Variants in RHBDL2 observed in about 807,000 individuals in gnomAD.
The protein encoded by RHBDL2 is rhomboid like 2.
A neutral mutation model predicts 31.7 loss-of-function variants in RHBDL2; 26 were observed. The ratio of observed to expected loss-of-function variants is 0.82; its 90% CI spans 0.60 to 1.14. The LOEUF (loss-of-function observed/expected upper bound fraction) is 1.14. Ranked by LOEUF, RHBDL2 falls within the 50% of genes most tolerant of loss-of-function variation. RHBDL2 has a pLI of 0.00. For missense variants in RHBDL2, 336 were observed against 364.4 expected, an observed-to-expected ratio of 0.92 and a Z score of 0.63; for synonymous variants, 123 against 127.2, an observed-to-expected ratio of 0.97 and a Z score of 0.22.
rs904733878 is a variant in RHBDL2 at position 38,911,325 on chromosome 1, C to T, written c.505G>A (p.Ala169Thr). The T allele has an allele frequency of 1.2e-6, 2 of 1,603,516 alleles. No homozygotes were observed. The highest frequency in any genetic ancestry group is 1.7e-6 in the Non-Finnish European group (2 of 1,170,434). Residue 169 changes from alanine (A) to threonine (T), a missense_variant, in exon 4 of 8, where the codon GCA becomes ACA. Ala to Thr is a moderately conservative substitution (Grantham distance 58). Coordinates refer to ENST00000372990, the MANE Select transcript of RHBDL2 (RefSeq NM_017821.5). ...TGTGTTACCTCAGAACACTGACCTGCAATCACTCCTGCCAGGTACACCAGC... is the reference window on the plus strand; with the variant it reads ...TGTGTTACCTCAGAACACTGACCTGTAATCACTCCTGCCAGGTACACCAGC... ...VGLVYLAGVI[A>T]GSLASSIFDP...
rs748695162 is a variant in RHBDL2 at position 38,896,044 on chromosome 1, G to T, written c.534C>A (p.Asp178Glu). 6.2e-7 allele frequency: 1 copy of T among 1,613,664 alleles called. No individual in the cohort carries two copies. Among genetic ancestry groups the T allele is most frequent in the South Asian group, 1.1e-5 (1 of 91,058 alleles). ...AAGCTCCCACAAGATATCTGAGTGG[G>T]TCAAAGATGGAGCTGGCAAGGGACC... ...IAGSLASSIF[D>E]PLRYLVGASG... The change falls in exon 5 of 8, where the codon GAC becomes GAA. Residue 178 changes from aspartate (D) to glutamate (E), a missense_variant. Physicochemically the swap from Asp to Glu is conservative, Grantham distance 45 (BLOSUM62 2). Transcript: ENST00000372990.
At chr1:38,936,557 T>C (rs186812829) in intron 1 of RHBDL2, among the ~76,000 whole-genome samples, 1 of 150,494 alleles carries the variant, frequency 6.6e-6, no homozygotes, top group Non-Finnish European at 1.5e-5. Context: ...TGGAGTGCAA[T>C]GGCGCGATCT....
At chr1:38,914,282 C>T (rs1182539469) in intron 3 of RHBDL2, among the ~76,000 whole-genome samples, 1 of 151,996 alleles carries the variant, frequency 6.6e-6, no homozygotes, top group Non-Finnish European at 1.5e-5. Flanking sequence ...CACTCTGTCA[C>T]CTACTCTAGA....
At chr1:38,933,207 A>T (rs1400939987) in intron 1 of RHBDL2, among the ~76,000 whole-genome samples, 1 of 152,038 alleles carries the variant, frequency 6.6e-6, no homozygotes, top group Non-Finnish European at 1.5e-5. Flanking sequence ...CCTGGAATAC[A>T]CCAAATCTTC....
intron 1 of RHBDL2, among the ~76,000 whole-genome samples, chr1:38,939,267 G>A (rs1643538978): frequency 6.6e-6 from 1 of 152,162 alleles, no homozygotes; most frequent in Non-Finnish European, 1.5e-5. Flanking sequence ...TTGAGAGACA[G>A]TCTTGCTCTG....
chr1:38,900,207 G>A (rs1642972124), intron 4 of RHBDL2, among the ~76,000 whole-genome samples: 1 of 152,170 alleles, frequency 6.6e-6, no homozygotes, highest in South Asian at 2.1e-4. Context: ...ATCACTTGAG[G>A]TCAGGAGTTC....
In RHBDL2 at chr1:38,902,431, T is replaced by A. The variant is rs866189804; in HGVS notation, c.509-6362A>T. On this transcript the variant is annotated intron_variant, in intron 4 of 7. Transcript: ENST00000372990. ...TTTTTTATTTTTTTTATTATTTTTT[T>A]TTTTTTGAGATGGAGTCTCGCTTTG... Among the ~76,000 whole-genome samples the A allele has an allele frequency of 1.1e-3, 168 of 150,036 alleles. 1 individual carries two copies. The highest frequency in any genetic ancestry group is 4.1e-3 in the African/African-American group (167 of 41,202).
chr1:38,911,513 T>C lies in RHBDL2; in HGVS notation c.396-79A>G, dbSNP rs34862491. 2,969 of 929,894 alleles carry C rather than the reference T, an allele frequency of 3.2e-3. 93 individuals carry two copies. In the Admixed American group the frequency reaches 0.051, roughly 16 times the overall value. 57.6% of individuals were successfully genotyped at this position (929,894 alleles called of 1,614,324 possible). On this transcript the variant is annotated intron_variant, in intron 3 of 7. Coordinates refer to ENST00000372990, the MANE Select transcript of RHBDL2 (RefSeq NM_017821.5). ...TCCCTGGGAGATGAACAGACTTTCA[T>C]GTGTTTTCTCTAGTTAAGGATTTGC...
At chr1:38,930,183 GGGCC>G (rs1643425109) in intron 1 of RHBDL2, among the ~76,000 whole-genome samples, 1 of 152,140 alleles carries the variant, frequency 6.6e-6, no homozygotes, top group African/African-American at 2.4e-5. Flanking sequence ...GTCACATGCA[GGGCC>G]TCTCGGCGGA....
At chr1:38,926,859 G>A (rs1040983390) in intron 1 of RHBDL2, 1 of 152,276 alleles carries the variant, frequency 6.6e-6, no homozygotes, top group African/African-American at 2.4e-5. Context: ...ATCAATAAAA[G>A]AATGCTTGTG....
intron 1 of RHBDL2, among the ~76,000 whole-genome samples, chr1:38,923,395 C>T (rs1446635608): frequency 6.6e-6 from 1 of 152,186 alleles, no homozygotes; most frequent in Non-Finnish European, 1.5e-5. Flanking sequence ...TCTAACAGTT[C>T]TAATTCATGG....
rs776145220 is a variant in RHBDL2, at chr1:38,912,948, G to GTGTGTA, written c.396-1515_396-1514insTACACA. ...TGTGTGTGTGTGTGTGTGTGTGTGT[G>GTGTGTA]TATTTACATATACACGTGTGTGTGT... is the stretch of plus-strand genomic sequence containing the variant. On this transcript the variant is annotated intron_variant, in intron 3 of 7. Coordinates refer to ENST00000372990, the MANE Select transcript of RHBDL2 (RefSeq NM_017821.5). Among the ~76,000 whole-genome samples, 616 of 106,400 alleles carry GTGTGTA rather than the reference G, an allele frequency of 5.8e-3. 16 individuals are homozygous for GTGTGTA. Among genetic ancestry groups the GTGTGTA allele is most frequent in the African/African-American group, 0.016 (373 of 23,948 alleles). The allele number at this position is 106,400 out of a possible 152,430, so 69.8% of individuals were successfully genotyped here. A position where few individuals can be genotyped will look rare whatever the true frequency, so the allele number is the denominator to read the frequency against.
chr1:38,928,430 C>T (rs1315374287), intron 1 of RHBDL2, among the ~76,000 whole-genome samples: 9 of 99,070 alleles, frequency 9.1e-5, no homozygotes, highest in South Asian at 3.2e-4. Context: ...GGGTGAGCCA[C>T]GGCGCCCGGC....
intron 3 of RHBDL2, among the ~76,000 whole-genome samples, chr1:38,912,888 A>G (rs1392402928): frequency 3.3e-5 from 2 of 60,528 alleles, no homozygotes; most frequent in East Asian, 7.8e-4. Context: ...TATACCATAT[A>G]TATATATATA....
At chr1:38,917,399 G>A (rs1643253242) in intron 2 of RHBDL2, among the ~76,000 whole-genome samples, 1 of 152,100 alleles carries the variant, frequency 6.6e-6, no homozygotes, top group African/African-American at 2.4e-5. Context: ...TTTAAAAATT[G>A]GTCTTTCTGT....
Position 38,887,767 on chromosome 1 carries a change from G to A in RHBDL2, c.732+196C>T, listed in dbSNP as rs1422784853. 2.6e-5 allele frequency among the ~76,000 whole-genome samples: 4 copies of A among 152,118 alleles called. No individual in the cohort carries two copies. The East Asian group carries it at 5.8e-4, about 22-fold the overall frequency. Reference sequence around the variant, plus strand: ...TAGCTACCAATATGGCAGGTGCAGTGAAGTAGAGCCAGTGATCAGGGCTGT... The same window carrying A: ...TAGCTACCAATATGGCAGGTGCAGTAAAGTAGAGCCAGTGATCAGGGCTGT... On this transcript the variant is annotated intron_variant, in intron 7 of 7. Coordinates refer to ENST00000372990, the MANE Select transcript of RHBDL2 (RefSeq NM_017821.5).
At chr1:38,913,406 G>C (rs1213166258) in intron 3 of RHBDL2, 1 of 152,204 alleles carries the variant, frequency 6.6e-6, no homozygotes, top group Non-Finnish European at 1.5e-5. Flanking sequence ...TGGAAACTGA[G>C]CAGTTGGTGA....
At chr1:38,901,155 A>C (rs1316125677) in intron 4 of RHBDL2, among the ~76,000 whole-genome samples, 1 of 151,916 alleles carries the variant, frequency 6.6e-6, no homozygotes, top group Non-Finnish European at 1.5e-5. Context: ...AATGTGTAGC[A>C]TCCAATCAAA....
At chr1:38,916,559 A>G (rs1570931846) in intron 2 of RHBDL2, among the ~76,000 whole-genome samples, 1 of 152,154 alleles carries the variant, frequency 6.6e-6, no homozygotes, top group East Asian at 1.9e-4. Context: ...CAAATGTACT[A>G]TGGGGCCAGA....
Sources: gnomAD v4.1 joint callset for allele counts (sites outside exome capture counted in the v4.1 genomes callset) on GRCh38, gnomAD v4.1.1 for gene constraint, MANE v1.5 for transcripts, NCBI Gene and HGNC (gene_info 2026-07-23, HGNC 2026-07-21) for gene names.